Variants in ALK observed in about 807,000 individuals in gnomAD.
ALK encodes ALK tyrosine kinase receptor.
Under a neutral mutation model 163.1 loss-of-function variants are expected in ALK, and 74 were observed. That is an observed-to-expected ratio of 0.45 (90% CI 0.38 to 0.55). ALK has a LOEUF of 0.55. Among genes scored for constraint, ALK ranks in the 20% least tolerant of loss-of-function variants. The probability of loss-of-function intolerance (pLI) is 0.00; values close to 1 mark genes in which losing one functional copy is unlikely to be tolerated. For synonymous variants in ALK, 960 were observed against 843.2 expected (o/e 1.14, Z -2.40); for missense variants, 2,063 against 2,105.3 (o/e 0.98, Z 0.39).
intron 11 of ALK, among the ~76,000 whole-genome samples, chr2:29,258,040 T>C (rs1193984313): frequency 6.6e-6 from 1 of 152,174 alleles, no homozygotes; most frequent in Non-Finnish European, 1.5e-5. Flanking sequence ...GGTCTCACTA[T>C]ATTACCCAGG....
At chr2:29,444,845 C>A (rs1041120064) in intron 4 of ALK, among the ~76,000 whole-genome samples, 9 of 152,150 alleles carry the variant, frequency 5.9e-5, no homozygotes, top group Admixed American at 1.3e-4. Context: ...CCTAGGGCTG[C>A]TGGTTATAGT....
At chr2:29,210,218 AT>A (rs1440649990) in intron 24 of ALK, among the ~76,000 whole-genome samples, 6 of 152,234 alleles carry the variant, frequency 3.9e-5, no homozygotes, top group African/African-American at 1.4e-4. Context: ...CAACAACCTT[AT>A]AAGACACAAG....
At chr2:29,598,469 A>G (rs1352905986) in intron 3 of ALK, among the ~76,000 whole-genome samples, 1 of 152,192 alleles carries the variant, frequency 6.6e-6, no homozygotes, top group Non-Finnish European at 1.5e-5. Flanking sequence ...TGATCCTAAA[A>G]CAGCTTGTTC....
chr2:29,587,624 A>G (rs1000373212), intron 3 of ALK, among the ~76,000 whole-genome samples: 18 of 151,974 alleles, frequency 1.2e-4, no homozygotes, highest in African/African-American at 4.4e-4. Flanking sequence ...TTTATAGAAA[A>G]TGCATAACTG....
intron 1 of ALK, among the ~76,000 whole-genome samples, chr2:29,836,751 A>G (rs890585226): frequency 6.6e-6 from 1 of 152,216 alleles, no homozygotes; most frequent in Non-Finnish European, 1.5e-5. Flanking sequence ...TAGAGATTAC[A>G]TGGTTGGTTG....
chr2:29,284,028 C>G (rs1057316726), intron 9 of ALK, among the ~76,000 whole-genome samples: 10 of 152,050 alleles, frequency 6.6e-5, no homozygotes, highest in African/African-American at 2.4e-4. Context: ...TTAGTTGTGC[C>G]CCCTATAGAG....
At chr2:29,838,518 A>C (rs1665621661) in intron 1 of ALK, among the ~76,000 whole-genome samples, 1 of 152,204 alleles carries the variant, frequency 6.6e-6, no homozygotes, top group African/African-American at 2.4e-5. Flanking sequence ...ACTGGAAATA[A>C]TCCAGATGTC....
chr2:29,722,790 A>C (rs1679458683), intron 1 of ALK, among the ~76,000 whole-genome samples: 1 of 152,212 alleles, frequency 6.6e-6, no homozygotes, highest in African/African-American at 2.4e-5. Flanking sequence ...CCCAATAAGC[A>C]TCTGAAACTT....
intron 9 of ALK, among the ~76,000 whole-genome samples, chr2:29,291,562 C>T (rs1666023605): frequency 6.6e-6 from 1 of 151,976 alleles, no homozygotes; most frequent in South Asian, 2.1e-4. Context: ...TAATATCTAC[C>T]CCAAGGGGTT....
intron 1 of ALK, among the ~76,000 whole-genome samples, chr2:29,749,529 A>G (rs935096813): frequency 2.0e-5 from 3 of 152,170 alleles, no homozygotes; most frequent in Non-Finnish European, 4.4e-5. Context: ...GGGACTGCTG[A>G]CCAACTAGAC....
chr2:29,842,436 C>T (rs1665725424), intron 1 of ALK, among the ~76,000 whole-genome samples: 1 of 152,166 alleles, frequency 6.6e-6, no homozygotes, highest in Non-Finnish European at 1.5e-5. Flanking sequence ...CATTCTCAGG[C>T]TTTACCAGGG....
chr2:29,554,976 C>T (rs907560909), intron 3 of ALK, among the ~76,000 whole-genome samples: 9 of 152,144 alleles, frequency 5.9e-5, no homozygotes, highest in African/African-American at 2.2e-4. Flanking sequence ...CCTATATTGT[C>T]TAAAAAGGGG....
intron 1 of ALK, among the ~76,000 whole-genome samples, chr2:29,919,667 T>C (rs1402187588): frequency 1.3e-5 from 2 of 152,142 alleles, no homozygotes; most frequent in African/African-American, 4.8e-5. Context: ...AATCGGGGCA[T>C]TTCAACTGTC....
intron 3 of ALK, among the ~76,000 whole-genome samples, chr2:29,550,743 T>C (rs1673695251): frequency 6.6e-6 from 1 of 152,208 alleles, no homozygotes. Flanking sequence ...ATCTTGTTTA[T>C]GTGCATTAAA....
At chr2:29,701,998 T>A (rs1678755648) in intron 2 of ALK, among the ~76,000 whole-genome samples, 1 of 151,836 alleles carries the variant, frequency 6.6e-6, no homozygotes, top group Non-Finnish European at 1.5e-5. Context: ...GCCACAGACA[T>A]GGACATGTCT....
intron 22 of ALK, among the ~76,000 whole-genome samples, chr2:29,221,521 G>C (rs1669803570): frequency 6.6e-6 from 1 of 151,998 alleles, no homozygotes; most frequent in African/African-American, 2.4e-5. Flanking sequence ...ACCAAGTAGT[G>C]AGATTTGAGT....
chr2:29,365,538 A>T (rs1668483517), intron 5 of ALK, among the ~76,000 whole-genome samples: 1 of 152,212 alleles, frequency 6.6e-6, no homozygotes, highest in African/African-American at 2.4e-5. Context: ...TGCAGGAAAA[A>T]GACACAAGTG....
chr2:29,302,094 C>T (rs1666388680), intron 8 of ALK, among the ~76,000 whole-genome samples: 1 of 152,176 alleles, frequency 6.6e-6, no homozygotes, highest in African/African-American at 2.4e-5. Context: ...GTAATTGGAG[C>T]CACTTGACAG....
At chr2:29,542,858 C>T (rs1417560254) in intron 3 of ALK, among the ~76,000 whole-genome samples, 1 of 152,142 alleles carries the variant, frequency 6.6e-6, no homozygotes, top group African/African-American at 2.4e-5. Context: ...AAACACATGC[C>T]TCTTTCATCT....
Sources: gnomAD v4.1 joint callset for allele counts (sites outside exome capture counted in the v4.1 genomes callset) on GRCh38, gnomAD v4.1.1 for gene constraint, MANE v1.5 for transcripts, NCBI Gene and HGNC (gene_info 2026-07-23, HGNC 2026-07-21) for gene names.